Variants in ZNF704 observed in about 807,000 individuals in gnomAD.
The protein encoded by ZNF704 is glucocorticoid induced gene 1.
A neutral mutation model predicts 44.7 loss-of-function variants in ZNF704; 10 were observed. That is an observed-to-expected ratio of 0.22 (90% CI 0.14 to 0.38). The LOEUF is 0.38. Among genes scored for constraint, ZNF704 ranks in the 10% least tolerant of loss-of-function variants. The pLI is 1.00. For synonymous variants in ZNF704, 211 were observed against 207.6 expected, an observed-to-expected ratio of 1.02 and a Z score of -0.14; for missense variants, 390 against 545.5, an observed-to-expected ratio of 0.71 and a Z score of 2.84.
At chr8:80,732,161 T>C (rs1216672334) in intron 2 of ZNF704, among the ~76,000 whole-genome samples, 1 of 152,222 alleles carries the variant, frequency 6.6e-6, no homozygotes, top group African/African-American at 2.4e-5. Context: ...ATATGACTGT[T>C]TCCACCTTCA....
At chr8:80,784,420 T>A (rs758089699) in intron 2 of ZNF704, among the ~76,000 whole-genome samples, 9 of 152,214 alleles carry the variant, frequency 5.9e-5, no homozygotes, top group Non-Finnish European at 1.2e-4. Flanking sequence ...CACTTCCTCA[T>A]CAGCATTTGG....
intron 5 of ZNF704, among the ~76,000 whole-genome samples, chr8:80,669,112 T>C (rs1304694229): frequency 6.6e-6 from 1 of 152,166 alleles, no homozygotes; most frequent in Non-Finnish European, 1.5e-5. Context: ...CCAGGGTCTA[T>C]AAATACATAT....
chr8:80,662,754 G>A (rs766171248), intron 6 of ZNF704, among the ~76,000 whole-genome samples: 2 of 151,908 alleles, frequency 1.3e-5, no homozygotes, highest in African/African-American at 4.8e-5. Flanking sequence ...TTACATCCTC[G>A]GACTCAATAA....
At chr8:80,778,581 T>C (rs1807453829) in intron 2 of ZNF704, among the ~76,000 whole-genome samples, 1 of 152,002 alleles carries the variant, frequency 6.6e-6, no homozygotes, top group South Asian at 2.1e-4. Flanking sequence ...ATACTACTCA[T>C]AACAGCAAAG....
chr8:80,856,627 G>A (rs1290058869), intron 1 of ZNF704, among the ~76,000 whole-genome samples: 1 of 152,028 alleles, frequency 6.6e-6, no homozygotes, highest in Non-Finnish European at 1.5e-5. Flanking sequence ...AGGACTGTTA[G>A]TTGAAAAAAT....
chr8:80,712,639 A>G (rs1819004484), intron 2 of ZNF704, among the ~76,000 whole-genome samples: 1 of 151,988 alleles, frequency 6.6e-6, no homozygotes, highest in African/African-American at 2.4e-5. Flanking sequence ...ATGAGGATAG[A>G]TTTCAGAAGA....
intron 4 of ZNF704, among the ~76,000 whole-genome samples, chr8:80,672,588 G>C (rs1818299281): frequency 6.6e-6 from 1 of 152,170 alleles, no homozygotes; most frequent in Non-Finnish European, 1.5e-5. Flanking sequence ...CCATGAAAAA[G>C]AATGAAATTA....
intron 4 of ZNF704, among the ~76,000 whole-genome samples, chr8:80,677,545 A>C (rs1223880431): frequency 6.6e-6 from 1 of 152,192 alleles, no homozygotes; most frequent in Non-Finnish European, 1.5e-5. Context: ...TCCTCCTCAC[A>C]CATACACACA....
At chr8:80,831,143 CAAAACCAAA>C (rs2129926723) in intron 1 of ZNF704, among the ~76,000 whole-genome samples, 1 of 152,182 alleles carries the variant, frequency 6.6e-6, no homozygotes, top group South Asian at 2.1e-4. Flanking sequence ...ATCTTAAAAA[CAAAACCAAA>C]GAAAACAAAA....
At chr8:80,816,971 A>G (rs1808186624) in intron 2 of ZNF704, among the ~76,000 whole-genome samples, 1 of 152,202 alleles carries the variant, frequency 6.6e-6, no homozygotes, top group African/African-American at 2.4e-5. Flanking sequence ...CAACCCCAAG[A>G]AACTCAGAAG....
At position 80,763,378 on chromosome 8, in the gene ZNF704, C is replaced by T. The variant is rs539244242; in HGVS notation, c.221+57996G>A. On this transcript the variant is annotated intron_variant, in intron 2 of 8. Coordinates refer to ENST00000327835, the MANE Select transcript of ZNF704 (RefSeq NM_001033723.3). Reference sequence around the variant, plus strand: ...GAAATCTAGGTGGAGGTTCTCAAACCTCAATTCTTGACTTCTGTGCACCTG... The same window carrying T: ...GAAATCTAGGTGGAGGTTCTCAAACTTCAATTCTTGACTTCTGTGCACCTG... 1.9e-3 allele frequency among the ~76,000 whole-genome samples: 294 copies of T among 152,322 alleles called. 1 individual carries two copies. The highest frequency in any genetic ancestry group is 6.8e-3 in the African/African-American group (283 of 41,580).
At chr8:80,665,148 C>T in intron 5 of ZNF704, 66 bp from the exon 6 acceptor site, 1 of 1,546,322 alleles carries the variant, frequency 6.5e-7, no homozygotes, top group Non-Finnish European at 8.9e-7. Context: ...AAATCTTGCA[C>T]ATGCATTTCC....
chr8:80,759,672 G>A (rs1807095905), intron 2 of ZNF704, among the ~76,000 whole-genome samples: 2 of 152,162 alleles, frequency 1.3e-5, no homozygotes, highest in African/African-American at 2.4e-5. Flanking sequence ...AAAAGGAAGT[G>A]GATCCTGCCA....
Position 80,670,535 on chromosome 8 carries a change from A to C in ZNF704, c.627T>G (p.Gly209=). 1.9e-6 allele frequency: 3 copies of C among 1,614,122 alleles called. No individual in the cohort carries two copies. The highest frequency in any genetic ancestry group is 1.7e-5 in the Admixed American group (1 of 60,018). Residue 209 remains glycine (G), a synonymous_variant, in exon 5 of 9, where the codon GGT becomes GGG. Coordinates refer to ENST00000327835, the MANE Select transcript of ZNF704 (RefSeq NM_001033723.3). ...NCGKVLSTAA[G]IQKHIRTIHL... ...GGATGGTTCGGATGTGTTTCTGGAT[A>C]CCTGCTGCAGTGCTCAGCACCTTCC...
At chr8:80,736,487 C>T (rs1186524422) in intron 2 of ZNF704, among the ~76,000 whole-genome samples, 1 of 152,138 alleles carries the variant, frequency 6.6e-6, no homozygotes, top group African/African-American at 2.4e-5. Flanking sequence ...ACCATGTTGG[C>T]CAGGCTGGTC....
intron 2 of ZNF704, among the ~76,000 whole-genome samples, chr8:80,784,721 G>T (rs1255350293): frequency 6.6e-6 from 1 of 152,054 alleles, no homozygotes; most frequent in Non-Finnish European, 1.5e-5. Flanking sequence ...ACTGTCTTTT[G>T]CAGAGCAGAA....
At chr8:80,749,220 G>A (rs577401514) in intron 2 of ZNF704, among the ~76,000 whole-genome samples, 41 of 152,242 alleles carry the variant, frequency 2.7e-4, no homozygotes, top group Middle Eastern at 3.4e-3. Flanking sequence ...ATGTTGACCA[G>A]GTTGGTCTTG....
chr8:80,775,261 C>T (rs576964401), intron 2 of ZNF704, among the ~76,000 whole-genome samples: 4 of 152,252 alleles, frequency 2.6e-5, no homozygotes, highest in African/African-American at 7.2e-5. Context: ...AAGGAATTTG[C>T]GGATAAGGCC....
chr8:80,802,009 C>A (rs1170122296), intron 2 of ZNF704, among the ~76,000 whole-genome samples: 1 of 151,948 alleles, frequency 6.6e-6, no homozygotes. Flanking sequence ...ACTGACCCCA[C>A]AGAAACATAA....
Sources: allele counts gnomAD v4.1 joint callset (sites outside exome capture counted in the v4.1 genomes callset), GRCh38; gene constraint gnomAD v4.1.1; transcripts MANE v1.5; gene names NCBI Gene and HGNC (gene_info 2026-07-23, HGNC 2026-07-21).